Variants in UNC5D observed in about 807,000 individuals in gnomAD.
The protein encoded by UNC5D is unc-5 netrin receptor D.
Under a neutral mutation model 105.4 loss-of-function variants are expected in UNC5D, and 39 were observed. The ratio of observed to expected loss-of-function variants is 0.37; its 90% CI spans 0.29 to 0.48. UNC5D has a LOEUF of 0.48. UNC5D is among the 20% of genes least tolerant of loss of function. The pLI is 0.98. For missense variants in UNC5D, 991 were observed against 1,202.4 expected (o/e 0.82, Z 2.60); for synonymous variants, 452 against 450.4 (o/e 1.00, Z -0.04).
At chr8:35,516,587 G>A (rs1428337337) in intron 1 of UNC5D, among the ~76,000 whole-genome samples, 4 of 152,164 alleles carry the variant, frequency 2.6e-5, no homozygotes, top group African/African-American at 4.8e-5. Context: ...TGCTCAAGAC[G>A]TAGAATGAAA....
chr8:35,755,303 C>T (rs1292536625), intron 13 of UNC5D, among the ~76,000 whole-genome samples: 2 of 152,084 alleles, frequency 1.3e-5, no homozygotes, highest in Non-Finnish European at 2.9e-5. Context: ...TCCCAGCACT[C>T]CTATACAGTA....
Position 35,265,693 on chromosome 8 carries a change from A to G in UNC5D, c.103+29806A>G, listed in dbSNP as rs796079964. Among the ~76,000 whole-genome samples the G allele has an allele frequency of 3.3e-5, 5 of 151,808 alleles. No individual in the cohort carries two copies. In the East Asian group the frequency reaches 5.8e-4, roughly 18 times the overall value. On this transcript the variant is annotated intron_variant, in intron 1 of 16. Coordinates refer to ENST00000404895, the MANE Select transcript of UNC5D (RefSeq NM_080872.4). ...AGACCGTCCTAGCTAACATGGTGAA[A>G]CCTCTTCTCTACTAAAAATACAAAA... is the stretch of plus-strand genomic sequence containing the variant.
At chr8:35,550,222 T>C (rs1243190441) in intron 2 of UNC5D, among the ~76,000 whole-genome samples, 2 of 152,206 alleles carry the variant, frequency 1.3e-5, no homozygotes, top group Admixed American at 6.5e-5. Flanking sequence ...CAGTAGATAA[T>C]GCTATTATTA....
intron 1 of UNC5D, among the ~76,000 whole-genome samples, chr8:35,326,416 A>G (rs1810163153): frequency 6.6e-6 from 1 of 152,218 alleles, no homozygotes; most frequent in African/African-American, 2.4e-5. Flanking sequence ...GGCAGTAAAG[A>G]AGCCGAAAAT....
intron 1 of UNC5D, among the ~76,000 whole-genome samples, chr8:35,318,676 T>A (rs936453244): frequency 6.6e-6 from 1 of 152,090 alleles, no homozygotes; most frequent in Admixed American, 6.6e-5. Flanking sequence ...AGATGACATT[T>A]AAAGATGGAT....
chr8:35,286,696 T>A (rs139094337), intron 1 of UNC5D, among the ~76,000 whole-genome samples: 1 of 152,152 alleles, frequency 6.6e-6, no homozygotes, highest in African/African-American at 2.4e-5. Flanking sequence ...TGATTACCCA[T>A]GGAAAGAGCA....
intron 1 of UNC5D, among the ~76,000 whole-genome samples, chr8:35,328,340 A>G (rs368412186): frequency 2.0e-5 from 3 of 152,296 alleles, no homozygotes; most frequent in South Asian, 2.1e-4. Flanking sequence ...AAAGCCAGTG[A>G]CAGTTTCTTT....
rs1256664516 is a variant in UNC5D at position 35,271,682 on chromosome 8, TGTATAC to T, written c.103+35796_103+35801del. On this transcript the variant is annotated intron_variant, in intron 1 of 16. Transcript: ENST00000404895. ...ATATTTATACAGGTATACATATATA[TGTATAC>T]ATGTATACATGTATACATATATATT... 3.2e-4 allele frequency among the ~76,000 whole-genome samples: 3 copies of T among 9,440 alleles called. 1 individual carries two copies. The East Asian group carries it at 0.38, about 1,180-fold the overall frequency. 6.2% of individuals were successfully genotyped at this position (9,440 alleles called of 152,430 possible). A position where few individuals can be genotyped will look rare whatever the true frequency, so the allele number is the denominator to read the frequency against.
chr8:35,328,147 A>T (rs1054931953), intron 1 of UNC5D, among the ~76,000 whole-genome samples: 1 of 152,218 alleles, frequency 6.6e-6, no homozygotes. Flanking sequence ...TATAATGTAT[A>T]TGTGTATTTG....
At chr8:35,422,170 G>T (rs533974333) in intron 1 of UNC5D, among the ~76,000 whole-genome samples, 1 of 152,294 alleles carries the variant, frequency 6.6e-6, no homozygotes, top group East Asian at 1.9e-4. Context: ...GTCACCGGTT[G>T]CAATATGGCC....
At position 35,337,463 on chromosome 8, in the gene UNC5D, C is replaced by T. The variant is rs1172423893; in HGVS notation, c.103+101576C>T. 4.6e-5 allele frequency among the ~76,000 whole-genome samples: 7 copies of T among 152,294 alleles called. No homozygotes were observed. The East Asian group carries it at 5.8e-4, about 13-fold the overall frequency. ...TGGATCCCTAGTAACATTTTACTTA[C>T]GCATTGATGCTATTCAGTGGATCTG... On this transcript the variant is annotated intron_variant, in intron 1 of 16. Transcript: ENST00000404895.
chr8:35,305,366 T>A (rs1808256377), intron 1 of UNC5D, among the ~76,000 whole-genome samples: 2 of 152,072 alleles, frequency 1.3e-5, no homozygotes, highest in Admixed American at 6.6e-5. Flanking sequence ...AGAGATTCTC[T>A]AAAATTAAAT....
At chr8:35,279,052 C>T (rs1461182512) in intron 1 of UNC5D, among the ~76,000 whole-genome samples, 3 of 152,152 alleles carry the variant, frequency 2.0e-5, no homozygotes, top group Non-Finnish European at 4.4e-5. Context: ...AATTTCTGCC[C>T]TGTCCCAGGC....
chr8:35,745,508 G>T (rs1829955868), intron 11 of UNC5D, among the ~76,000 whole-genome samples: 1 of 152,168 alleles, frequency 6.6e-6, no homozygotes, highest in African/African-American at 2.4e-5. Context: ...ACATGCCTAA[G>T]GCATTGAGAA....
At chr8:35,776,398 T>G (rs1034173181) in intron 16 of UNC5D, among the ~76,000 whole-genome samples, 14 of 152,238 alleles carry the variant, frequency 9.2e-5, no homozygotes, top group Non-Finnish European at 1.3e-4. Flanking sequence ...CTTATTACAT[T>G]TTATTCTCCA....
intron 1 of UNC5D, among the ~76,000 whole-genome samples, chr8:35,494,493 G>A (rs1811421969): frequency 6.6e-6 from 1 of 152,066 alleles, no homozygotes; most frequent in African/African-American, 2.4e-5. Flanking sequence ...CTATAAGAAT[G>A]CCAAGTAGTA....
At chr8:35,623,940 C>G (rs1031480129) in intron 4 of UNC5D, among the ~76,000 whole-genome samples, 7 of 151,990 alleles carry the variant, frequency 4.6e-5, no homozygotes, top group Non-Finnish European at 8.8e-5. Context: ...ATTAGCCGGA[C>G]GTGGTGGTGG....
rs148765778 is a variant in UNC5D at position 35,388,430 on chromosome 8, A to G, written c.103+152543A>G. Among the ~76,000 whole-genome samples, 1,224 of 152,276 alleles carry G rather than the reference A, an allele frequency of 8.0e-3. 10 individuals carry two copies. The highest frequency in any genetic ancestry group is 0.012 in the Non-Finnish European group (792 of 68,024). On this transcript the variant is annotated intron_variant, in intron 1 of 16. Transcript: ENST00000404895. ...ATGGCCCCTTTTCCCTAAGTTGCCTAGCACTGAATCTCCAGTCCACCATAC... is the reference window on the plus strand; with the variant it reads ...ATGGCCCCTTTTCCCTAAGTTGCCTGGCACTGAATCTCCAGTCCACCATAC...
intron 3 of UNC5D, among the ~76,000 whole-genome samples, chr8:35,590,552 T>G (rs1819103325): frequency 6.6e-6 from 1 of 152,174 alleles, no homozygotes; most frequent in African/African-American, 2.4e-5. Flanking sequence ...CTCTGAAAAA[T>G]GCACTGGTTT....
Sources: allele counts gnomAD v4.1 joint callset (sites outside exome capture counted in the v4.1 genomes callset), GRCh38; gene constraint gnomAD v4.1.1; transcripts MANE v1.5; gene names NCBI Gene and HGNC (gene_info 2026-07-23, HGNC 2026-07-21).